The following GSE1 variants were observed in gnomAD, a reference collection of about 807,000 sequenced individuals.
GSE1 encodes the protein genetic suppressor element 1.
GSE1 carries 32 observed loss-of-function variants against 112.6 expected under a neutral mutation model. The ratio of observed to expected loss-of-function variants is 0.28; its 90% CI spans 0.21 to 0.38. The LOEUF (loss-of-function observed/expected upper bound fraction) is 0.38. Among genes scored for constraint, GSE1 ranks in the 10% least tolerant of loss-of-function variants. GSE1 has a pLI of 1.00. For missense variants in GSE1, 2,348 were observed against 1,699.2 expected (o/e 1.38, Z -6.71); for synonymous variants, 1,115 against 735.6 (o/e 1.52, Z -8.35).
chr16:85,251,484 G>A (rs554848315), intron 1 of GSE1, among the ~76,000 whole-genome samples: 128 of 152,380 alleles, frequency 8.4e-4, no homozygotes, highest in African/African-American at 2.9e-3. Context: ...GAAACAGGCC[G>A]GAGGTCATCC....
intron 1 of GSE1, among the ~76,000 whole-genome samples, chr16:85,274,759 C>T (rs1325102062): frequency 6.6e-6 from 1 of 152,250 alleles, no homozygotes; most frequent in African/African-American, 2.4e-5. Context: ...CTGCTTCCAG[C>T]CTGCACGTCC....
intron 1 of GSE1, among the ~76,000 whole-genome samples, chr16:85,247,449 C>T (rs1905982613): frequency 6.6e-6 from 1 of 152,192 alleles, no homozygotes; most frequent in Non-Finnish European, 1.5e-5. Flanking sequence ...AAGGCAGTGG[C>T]TGCATGCAGG....
chr16:85,536,367 C>T (rs1478059652), intron 2 of GSE1, among the ~76,000 whole-genome samples: 2 of 152,188 alleles, frequency 1.3e-5, no homozygotes, highest in Non-Finnish European at 2.9e-5. Flanking sequence ...AGAAATAGAG[C>T]CCCATCCAGA....
At chr16:85,649,988 C>T (rs1297407302) in intron 3 of GSE1, among the ~76,000 whole-genome samples, 1 of 152,166 alleles carries the variant, frequency 6.6e-6, no homozygotes, top group Non-Finnish European at 1.5e-5. Flanking sequence ...CGGACTGGGA[C>T]CCCCGGGGCC....
chr16:85,668,095 G>C, intron 13 of GSE1, 45 bp from the exon 14 acceptor site: 1 of 1,469,164 alleles, frequency 6.8e-7, no homozygotes, highest in East Asian at 2.3e-5. Flanking sequence ...AGCACCCTGT[G>C]TCCCTTCCCC....
intron 1 of GSE1, among the ~76,000 whole-genome samples, chr16:85,333,525 G>C (rs373304769): frequency 2.6e-5 from 4 of 152,242 alleles, no homozygotes; most frequent in African/African-American, 9.6e-5. Context: ...TGGGGGGCCT[G>C]GGTCAGGTGC....
chr16:85,295,764 G>A (rs1334480499), intron 1 of GSE1, among the ~76,000 whole-genome samples: 3 of 116,264 alleles, frequency 2.6e-5, no homozygotes, highest in East Asian at 2.6e-4. Flanking sequence ...TGGCTAATTC[G>A]TAACTTTTTT....
At chr16:85,213,946 G>A (rs139148511) in intron 1 of GSE1, among the ~76,000 whole-genome samples, 57 of 152,348 alleles carry the variant, frequency 3.7e-4, no homozygotes, top group African/African-American at 9.4e-4. Context: ...GAGATTTTCT[G>A]TGACTGCTTC....
At chr16:85,292,270 C>T (rs1190296645) in intron 1 of GSE1, among the ~76,000 whole-genome samples, 2 of 151,020 alleles carry the variant, frequency 1.3e-5, no homozygotes, top group Admixed American at 1.3e-4. Context: ...TCTCTAGTAG[C>T]GAGGACTACA....
chr16:85,213,277 A>G (rs1281385679), intron 1 of GSE1, among the ~76,000 whole-genome samples: 1 of 151,738 alleles, frequency 6.6e-6, no homozygotes, highest in African/African-American at 2.4e-5. Context: ...CAAAAAAAAA[A>G]AAAAAAGAAA....
chr16:85,437,001 G>C (rs2049262700), intron 2 of GSE1, among the ~76,000 whole-genome samples: 1 of 152,228 alleles, frequency 6.6e-6, no homozygotes, highest in Non-Finnish European at 1.5e-5. Flanking sequence ...CGGAGCCCGG[G>C]CAGAGGCCTA....
intron 2 of GSE1, among the ~76,000 whole-genome samples, chr16:85,643,897 C>T (rs1218979744): frequency 6.6e-6 from 1 of 151,974 alleles, no homozygotes; most frequent in Non-Finnish European, 1.5e-5. Context: ...GGTGGGGTGG[C>T]GGCTCTCGGT....
At chr16:85,330,444 G>A (rs1567691720) in intron 1 of GSE1, among the ~76,000 whole-genome samples, 1 of 152,230 alleles carries the variant, frequency 6.6e-6, no homozygotes, top group African/African-American at 2.4e-5. Context: ...CAAGACCCAA[G>A]TCGGATTTCT....
At chr16:85,354,916 G>A (rs2046920935) in intron 1 of GSE1, among the ~76,000 whole-genome samples, 1 of 152,342 alleles carries the variant, frequency 6.6e-6, no homozygotes, top group East Asian at 1.9e-4. Context: ...ACAGGCCCCA[G>A]GGTACCTGCC....
chr16:85,656,610 C>T lies in GSE1; in HGVS notation c.1257C>T (p.Gly419=). ...LPVAELHGLR[G]HATEERGKPS... ...TGGCCGAGCTGCATGGGCTGCGTGG[C>T]CATGCCACTGAGGAGCGGGGCAAGC... is the stretch of plus-strand genomic sequence containing the variant. The change falls in exon 7 of 16, where the codon GGC becomes GGT. Residue 419 remains glycine (G), a synonymous_variant. Transcript: ENST00000253458. 1 of 1,545,554 alleles carries T rather than the reference C, an allele frequency of 6.5e-7. No homozygotes were observed. Among genetic ancestry groups the T allele is most frequent in the Non-Finnish European group, 8.7e-7 (1 of 1,144,862 alleles).
At chr16:85,246,500 A>AT (rs1905838406) in intron 1 of GSE1, among the ~76,000 whole-genome samples, 1 of 18,500 alleles carries the variant, frequency 5.4e-5, no homozygotes, top group African/African-American at 1.7e-4. Context: ...CACTCTACAC[A>AT]CCCCCCCCCC....
At chr16:85,629,488 G>A (rs893634178) in intron 1 of GSE1, among the ~76,000 whole-genome samples, 3 of 152,268 alleles carry the variant, frequency 2.0e-5, no homozygotes, top group Non-Finnish European at 4.4e-5. Flanking sequence ...GCCTGCACCG[G>A]AGATCGGCCC....
intron 1 of GSE1, among the ~76,000 whole-genome samples, chr16:85,180,277 G>T (rs371804597): frequency 6.6e-6 from 1 of 152,264 alleles, no homozygotes; most frequent in African/African-American, 2.4e-5. Flanking sequence ...CCCGGGGCAG[G>T]TGCCTCTGGC....
In GSE1 at chr16:85,363,856, G is replaced by A. The variant is rs112075695; in HGVS notation, c.2464+6213G>A. ...CTGCAGAAGACACAGCATGCCCTCC[G>A]TCTCTACTCTGGGCTGATCCAGAAG... On this transcript the variant is annotated intron_variant, in intron 2 of 2. Transcript: ENST00000637419. 9.0e-3 allele frequency among the ~76,000 whole-genome samples: 1,377 copies of A among 152,240 alleles called. 35 individuals are homozygous for A. The highest frequency in any genetic ancestry group is 0.031 in the African/African-American group (1,306 of 41,524).
Sources: allele counts gnomAD v4.1 joint callset (sites outside exome capture counted in the v4.1 genomes callset), GRCh38; gene constraint gnomAD v4.1.1; transcripts MANE v1.5; gene names NCBI Gene and HGNC (gene_info 2026-07-23, HGNC 2026-07-21).